The following RPS6KC1 variants were observed in gnomAD, a reference collection of about 807,000 sequenced individuals.
RPS6KC1 encodes the protein ribosomal protein S6 kinase C1.
RPS6KC1 carries 54 observed loss-of-function variants against 103.8 expected under a neutral mutation model. The observed-to-expected ratio is 0.52, with a 90% CI of 0.42 to 0.65. The LOEUF is 0.65. Ranked by LOEUF, RPS6KC1 falls within the 30% of genes least tolerant of loss-of-function variation. The pLI is 0.00. For synonymous variants in RPS6KC1, 439 were observed against 438.7 expected, an observed-to-expected ratio of 1.00 and a Z score of -0.01; for missense variants, 1,151 against 1,253.8, an observed-to-expected ratio of 0.92 and a Z score of 1.24.
At chr1:213,550,430 A>G in the RPS6KC1 span, among the ~76,000 whole-genome samples, 29 of 152,100 alleles carry the variant, frequency 1.9e-4, no homozygotes, top group African/African-American at 5.1e-4. Context: ...AAGGACATTA[A>G]TTGAGATCAT....
chr1:213,520,971 A>T, the RPS6KC1 span, among the ~76,000 whole-genome samples: 1 of 152,206 alleles, frequency 6.6e-6, no homozygotes, highest in African/African-American at 2.4e-5. Context: ...TGGCCATTTG[A>T]TGTGTATAGT....
the RPS6KC1 span, among the ~76,000 whole-genome samples, chr1:213,846,713 AT>A: frequency 2.2e-4 from 34 of 152,176 alleles, no homozygotes; most frequent in Non-Finnish European, 4.4e-5. Flanking sequence ...TCATATATAA[AT>A]TTTCTATCTA....
chr1:213,480,684 A>G, the RPS6KC1 span, among the ~76,000 whole-genome samples: 1 of 152,060 alleles, frequency 6.6e-6, no homozygotes, highest in Non-Finnish European at 1.5e-5. Context: ...TTTGTAGTAA[A>G]ATTTTTGATG....
At position 213,269,836 on chromosome 1, in the gene RPS6KC1, G is replaced by A. The variant is rs149368318; in HGVS notation, c.3091-2688G>A. ...AGGCTGAGGTGTGAGGATCACTTGA[G>A]TACAGGAGTTCAAGACCAGCCTGGG... On this transcript the variant is annotated intron_variant, in intron 14 of 14. Transcript: ENST00000366960. Among the ~76,000 whole-genome samples the A allele has an allele frequency of 1.5e-4, 23 of 151,954 alleles. No homozygotes were observed. In the East Asian group the frequency reaches 4.5e-3, roughly 29 times the overall value.
the RPS6KC1 span, among the ~76,000 whole-genome samples, chr1:213,531,142 G>A: frequency 2.0e-5 from 3 of 152,284 alleles, no homozygotes; most frequent in Non-Finnish European, 2.9e-5. Context: ...TGCAGAGATC[G>A]AAGGGTGCCT....
intron 8 of RPS6KC1, among the ~76,000 whole-genome samples, chr1:213,229,027 G>C (rs2094025650): frequency 6.6e-6 from 1 of 152,174 alleles, no homozygotes; most frequent in Admixed American, 6.5e-5. Flanking sequence ...ACCACGTTTA[G>C]TTTCAGAGCA....
the RPS6KC1 span, among the ~76,000 whole-genome samples, chr1:213,850,583 T>C: frequency 6.6e-6 from 1 of 152,242 alleles, no homozygotes; most frequent in East Asian, 1.9e-4. Context: ...TTTCAATTTG[T>C]GTTGCCTCAA....
the RPS6KC1 span, among the ~76,000 whole-genome samples, chr1:213,590,683 A>G: frequency 0.11 from 16,671 of 152,138 alleles, 1,534 homozygotes; most frequent in African/African-American, 0.25. Flanking sequence ...GGTCATGACC[A>G]TGGGTGAGGT....
chr1:213,133,592 G>A (rs933761969), intron 6 of RPS6KC1, among the ~76,000 whole-genome samples: 1 of 152,128 alleles, frequency 6.6e-6, no homozygotes, highest in African/African-American at 2.4e-5. Flanking sequence ...GGCGAGCATT[G>A]TTAGTAACAC....
chr1:213,239,716 T>G (rs2094307782), intron 10 of RPS6KC1, among the ~76,000 whole-genome samples: 5 of 152,230 alleles, frequency 3.3e-5, no homozygotes, highest in Admixed American at 3.3e-4. Flanking sequence ...TTTTCATTTC[T>G]TTGCAACTAC....
intron 4 of RPS6KC1, among the ~76,000 whole-genome samples, chr1:213,106,052 G>A (rs1159679053): frequency 6.6e-6 from 1 of 152,112 alleles, no homozygotes; most frequent in Non-Finnish European, 1.5e-5. Flanking sequence ...ATTGTTGCTG[G>A]AAGTCACTGG....
At chr1:213,649,258 TAAAAAA>T in the RPS6KC1 span, among the ~76,000 whole-genome samples, 2 of 138,450 alleles carry the variant, frequency 1.4e-5, no homozygotes, top group African/African-American at 5.4e-5. Flanking sequence ...AGTCTCCACT[TAAAAAA>T]AAAAAAAAAA....
intron 3 of RPS6KC1, among the ~76,000 whole-genome samples, chr1:213,078,576 ATT>A: frequency 6.6e-6 from 1 of 152,042 alleles, no homozygotes; most frequent in African/African-American, 2.4e-5. Flanking sequence ...TAATTTTTGT[ATT>A]TTTAGTAGAG....
chr1:213,817,627 G>C, the RPS6KC1 span: 1 of 152,182 alleles, frequency 6.6e-6, no homozygotes, highest in African/African-American at 2.4e-5. Context: ...TCTTTCCTAG[G>C]AATGTAGCAT....
chr1:213,223,816 C>T (rs2093895242), intron 8 of RPS6KC1, among the ~76,000 whole-genome samples: 1 of 152,104 alleles, frequency 6.6e-6, no homozygotes, highest in South Asian at 2.1e-4. Flanking sequence ...TACTAATTTT[C>T]TATAGACTTA....
chr1:213,673,979 C>T, the RPS6KC1 span, among the ~76,000 whole-genome samples: 1 of 151,934 alleles, frequency 6.6e-6, no homozygotes, highest in Non-Finnish European at 1.5e-5. Flanking sequence ...AACTCTTGAC[C>T]CTTTCTCTCC....
At chr1:213,287,736 C>T in the RPS6KC1 span, among the ~76,000 whole-genome samples, 5 of 152,224 alleles carry the variant, frequency 3.3e-5, 1 homozygote, top group South Asian at 4.2e-4. Context: ...TTAAGTACTT[C>T]GTGAGATGTT....
At chr1:213,086,489 A>G (rs1566247) in intron 3 of RPS6KC1, among the ~76,000 whole-genome samples, 110,620 of 152,172 alleles carry the variant, frequency 0.73, 40,981 homozygotes, top group African/African-American at 0.86. Context: ...CAGCCTTGGC[A>G]AGGAGGCACC....
chr1:213,763,259 G>A, the RPS6KC1 span, among the ~76,000 whole-genome samples: 2 of 152,182 alleles, frequency 1.3e-5, no homozygotes, highest in African/African-American at 4.8e-5. Context: ...GGAACCAAAC[G>A]ACGAGAGTCC....
Sources: allele counts gnomAD v4.1 joint callset (sites outside exome capture counted in the v4.1 genomes callset), GRCh38; gene constraint gnomAD v4.1.1; transcripts MANE v1.5; gene names NCBI Gene and HGNC (gene_info 2026-07-23, HGNC 2026-07-21).